Variants in ELMO1 observed in about 807,000 individuals in gnomAD.
ELMO1 encodes the protein engulfment and cell motility protein 1.
Under a neutral mutation model 98.9 loss-of-function variants are expected in ELMO1, and 26 were observed. That is an observed-to-expected ratio of 0.26 (90% confidence interval 0.19 to 0.36). The LOEUF is 0.36. ELMO1 is among the 10% of genes least tolerant of loss of function. The pLI, the probability that ELMO1 is intolerant of heterozygous loss-of-function variation, is 1.00. For missense variants in ELMO1, 627 were observed against 935.2 expected (o/e 0.67, Z 4.30); for synonymous variants, 346 against 346.0 (o/e 1.00, Z 0.00).
At chr7:37,404,412 C>G (rs1006482060) in intron 1 of ELMO1, among the ~76,000 whole-genome samples, 1 of 152,150 alleles carries the variant, frequency 6.6e-6, no homozygotes, top group Admixed American at 6.5e-5. Flanking sequence ...ATGGCCACTC[C>G]CCGCCATTGG....
chr7:36,948,148 T>C (rs1409347202), intron 16 of ELMO1, among the ~76,000 whole-genome samples: 1 of 152,140 alleles, frequency 6.6e-6, no homozygotes, highest in African/African-American at 2.4e-5. Flanking sequence ...TGATTTTATA[T>C]AAAATATTTA....
Position 36,990,459 on chromosome 7 carries a change from T to G in ELMO1, c.1437+22840A>C, listed in dbSNP as rs1463811209. 2.0e-5 allele frequency among the ~76,000 whole-genome samples: 3 copies of G among 152,262 alleles called. No homozygotes were observed. The East Asian group carries it at 5.8e-4, about 29-fold the overall frequency. On this transcript the variant is annotated intron_variant, in intron 16 of 21. Transcript: ENST00000310758. ...GAACACATTCAGATTTACTATGTGC[T>G]GTCCACAAAAGGAGAAGGGAATCAC...
At chr7:36,932,516 T>A (rs1339778729) in intron 16 of ELMO1, among the ~76,000 whole-genome samples, 1 of 152,240 alleles carries the variant, frequency 6.6e-6, no homozygotes, top group Non-Finnish European at 1.5e-5. Flanking sequence ...GACTGTGGCT[T>A]ACTCTTGTGG....
intron 5 of ELMO1, among the ~76,000 whole-genome samples, chr7:37,264,481 T>C (rs536153408): frequency 5.6e-4 from 86 of 152,320 alleles, no homozygotes; most frequent in African/African-American, 1.9e-3. Context: ...GCATTTTCCA[T>C]AATGAATTTG....
At chr7:37,124,901 G>C (rs1285535283) in intron 14 of ELMO1, among the ~76,000 whole-genome samples, 1 of 152,182 alleles carries the variant, frequency 6.6e-6, no homozygotes, top group Non-Finnish European at 1.5e-5. Context: ...TAAGGCTACA[G>C]TAACCAAAAC....
chr7:36,973,660 T>C (rs1460411784), intron 16 of ELMO1, among the ~76,000 whole-genome samples: 1 of 152,182 alleles, frequency 6.6e-6, no homozygotes, highest in Non-Finnish European at 1.5e-5. Flanking sequence ...GAGAAGCCCT[T>C]CAGCCCACCG....
intron 16 of ELMO1, among the ~76,000 whole-genome samples, chr7:36,988,980 A>G (rs1352046164): frequency 6.6e-6 from 1 of 152,210 alleles, no homozygotes; most frequent in African/African-American, 2.4e-5. Context: ...CAGAATACAA[A>G]CCTGATTGAA....
chr7:36,954,330 C>T (rs1448541113), intron 16 of ELMO1, among the ~76,000 whole-genome samples: 2 of 152,162 alleles, frequency 1.3e-5, no homozygotes, highest in Non-Finnish European at 2.9e-5. Context: ...ATGTTTAGGT[C>T]ACCTTCCAGT....
At chr7:36,937,648 C>T (rs1786662674) in intron 16 of ELMO1, among the ~76,000 whole-genome samples, 1 of 152,216 alleles carries the variant, frequency 6.6e-6, no homozygotes, top group Non-Finnish European at 1.5e-5. Context: ...AATCCCTTGT[C>T]TCTTTAAAGG....
intron 15 of ELMO1, among the ~76,000 whole-genome samples, chr7:37,088,458 G>A (rs1783897770): frequency 6.6e-6 from 1 of 152,184 alleles, no homozygotes; most frequent in Non-Finnish European, 1.5e-5. Flanking sequence ...GCATATTCAA[G>A]TTAATTTATT....
intron 17 of ELMO1, among the ~76,000 whole-genome samples, chr7:36,893,529 CCA>C (rs541302875): frequency 1.8e-3 from 272 of 152,314 alleles, no homozygotes; most frequent in Admixed American, 3.5e-3. Flanking sequence ...GGGTTCTACT[CCA>C]CAGTTTCCAA....
intron 16 of ELMO1, among the ~76,000 whole-genome samples, chr7:36,977,168 C>T (rs1252779283): frequency 6.6e-6 from 1 of 152,202 alleles, no homozygotes; most frequent in African/African-American, 2.4e-5. Context: ...GCCCTCTATC[C>T]TTTGAGCATA....
intron 8 of ELMO1, 148 bp downstream of exon 8, chr7:37,232,947 C>G (rs1794258906): frequency 4.2e-6 from 3 of 716,514 alleles, no homozygotes; most frequent in Non-Finnish European, 6.6e-6. Flanking sequence ...TTTCCTGACC[C>G]CCACATACAT....
intron 15 of ELMO1, among the ~76,000 whole-genome samples, chr7:37,075,312 A>AT (rs1797514383): frequency 6.7e-6 from 1 of 149,018 alleles, no homozygotes; most frequent in African/African-American, 2.5e-5. Context: ...ACACCCGGCT[A>AT]ATTTTTTTTT....
chr7:37,244,922 G>C (rs13222800), intron 6 of ELMO1, among the ~76,000 whole-genome samples: 1,833 of 152,122 alleles, frequency 0.012, 13 homozygotes, highest in Non-Finnish European at 0.019. Flanking sequence ...ACTGAACTCT[G>C]GGCTGGTGGC....
chr7:37,263,250 T>C (rs971831981), intron 5 of ELMO1, among the ~76,000 whole-genome samples: 4 of 150,328 alleles, frequency 2.7e-5, no homozygotes, highest in African/African-American at 9.7e-5. Context: ...TCACTCTTTA[T>C]ATAATTTTAT....
At chr7:37,114,176 A>G (rs903724145) in intron 14 of ELMO1, among the ~76,000 whole-genome samples, 1 of 152,242 alleles carries the variant, frequency 6.6e-6, no homozygotes, top group African/African-American at 2.4e-5. Flanking sequence ...CAATACTGGA[A>G]GAATCACTAT....
At chr7:37,146,597 T>C (rs1488487910) in intron 13 of ELMO1, among the ~76,000 whole-genome samples, 1 of 152,196 alleles carries the variant, frequency 6.6e-6, no homozygotes, top group African/African-American at 2.4e-5. Flanking sequence ...CCTCTGACTT[T>C]GTAACCCCCA....
intron 1 of ELMO1, among the ~76,000 whole-genome samples, chr7:37,385,905 A>G (rs1269336197): frequency 6.6e-6 from 1 of 152,194 alleles, no homozygotes; most frequent in Non-Finnish European, 1.5e-5. Context: ...GGAGATGCCA[A>G]TTCCCCAGGA....
Sources: gnomAD v4.1 joint callset for allele counts (sites outside exome capture counted in the v4.1 genomes callset) on GRCh38, gnomAD v4.1.1 for gene constraint, MANE v1.5 for transcripts, NCBI Gene and HGNC (gene_info 2026-07-23, HGNC 2026-07-21) for gene names.